Variants in CDHR3 observed in about 807,000 individuals in gnomAD.
CDHR3 encodes cadherin related family member 3.
In CDHR3, 79 loss-of-function variants were observed where a neutral mutation model predicts 86.6. That is an observed-to-expected ratio of 0.91 (90% confidence interval 0.76 to 1.10). The LOEUF is 1.10. Ranked by LOEUF, CDHR3 falls within the 50% of genes least tolerant of loss-of-function variation. CDHR3 has a pLI of 0.00. For missense variants in CDHR3, 1,081 were observed against 1,077.6 expected, an observed-to-expected ratio of 1.00 and a Z score of -0.04; for synonymous variants, 421 against 402.4, an observed-to-expected ratio of 1.05 and a Z score of -0.55.
chr7:106,020,902 G>A (rs1370674624), intron 13 of CDHR3, among the ~76,000 whole-genome samples: 3 of 152,054 alleles, frequency 2.0e-5, no homozygotes, highest in Non-Finnish European at 2.9e-5. Context: ...GACCCCATAC[G>A]TGACTGCCCA....
At chr7:106,018,346 C>T (rs149556490) in intron 12 of CDHR3, among the ~76,000 whole-genome samples, 7 of 152,330 alleles carry the variant, frequency 4.6e-5, no homozygotes, top group African/African-American at 9.6e-5. Flanking sequence ...AAGCGATTCT[C>T]GTGCCTCAGC....
rs544804739 is a variant in CDHR3 at position 106,030,095 on chromosome 7, C to T, written c.2305-697C>T. 7.9e-5 allele frequency among the ~76,000 whole-genome samples: 12 copies of T among 152,246 alleles called. No homozygotes were observed. The South Asian group carries it at 2.1e-3, about 26-fold the overall frequency. Reference sequence around the variant, plus strand: ...AGCTTGCTAAACTCCAAACACAATCCTTGTTACTGTGCTAGTGACCCTGAC... The same window carrying T: ...AGCTTGCTAAACTCCAAACACAATCTTTGTTACTGTGCTAGTGACCCTGAC... On this transcript the variant is annotated intron_variant, in intron 17 of 18. Coordinates refer to ENST00000317716, the MANE Select transcript of CDHR3 (RefSeq NM_152750.5). This position sits in a 1 kb window ranked among gnomAD's most constrained non-coding sequence, Gnocchi z 4.8.
intron 2 of CDHR3, among the ~76,000 whole-genome samples, chr7:105,977,621 C>T (rs1229272717): frequency 6.6e-6 from 1 of 152,222 alleles, no homozygotes; most frequent in East Asian, 1.9e-4. Flanking sequence ...ACCCAACGTC[C>T]TCTACCATCC....
chr7:106,011,761 C>T (rs866753219), intron 8 of CDHR3, among the ~76,000 whole-genome samples: 22 of 152,220 alleles, frequency 1.4e-4, no homozygotes, highest in Admixed American at 9.8e-4. Context: ...GTTCATTGGT[C>T]TTCCTCAGAG....
intron 4 of CDHR3, among the ~76,000 whole-genome samples, chr7:105,988,819 T>C (rs1458268716): frequency 1.3e-5 from 2 of 152,180 alleles, no homozygotes; most frequent in African/African-American, 2.4e-5. Context: ...ACAAAATAAA[T>C]GAAATTAATT....
intron 1 of CDHR3, among the ~76,000 whole-genome samples, chr7:105,965,955 C>G (rs1210497702): frequency 6.6e-6 from 1 of 152,078 alleles, no homozygotes; most frequent in Non-Finnish European, 1.5e-5. Context: ...GATCTTCTTC[C>G]TGCTTGATAT....
intron 7 of CDHR3, among the ~76,000 whole-genome samples, 196 bp from the exon 8 acceptor site, chr7:106,004,302 A>G (rs1333730863): frequency 6.6e-6 from 1 of 152,262 alleles, no homozygotes; most frequent in Admixed American, 6.5e-5. Context: ...GAAAAATCCT[A>G]GAAGGGTCAG....
At chr7:106,022,069 T>G in intron 13 of CDHR3, 129 bp from the exon 14 acceptor site, 1 of 1,137,128 alleles carries the variant, frequency 8.8e-7, no homozygotes, top group South Asian at 1.5e-5. Context: ...CTCTGGTGTA[T>G]CAGAGACACA....
chr7:105,978,164 C>T (rs1829112631), intron 2 of CDHR3, among the ~76,000 whole-genome samples: 1 of 152,178 alleles, frequency 6.6e-6, no homozygotes, highest in Non-Finnish European at 1.5e-5. Flanking sequence ...TCATAGCCCT[C>T]ATGCTGCGCT....
At chr7:105,999,999 G>A (rs898861314) in intron 6 of CDHR3, among the ~76,000 whole-genome samples, 3 of 152,258 alleles carry the variant, frequency 2.0e-5, no homozygotes, top group African/African-American at 7.2e-5. Context: ...TCACAGAAGG[G>A]ACCGAGGGGC....
chr7:105,988,750 C>G (rs996526336), intron 4 of CDHR3, among the ~76,000 whole-genome samples: 1 of 152,232 alleles, frequency 6.6e-6, no homozygotes, highest in East Asian at 1.9e-4. Context: ...ATACTGTGAG[C>G]CAGAAATGAG....
chr7:105,974,803 G>C (rs1026981766), intron 1 of CDHR3, 41 bp from the exon 2 acceptor site: 26 of 1,545,444 alleles, frequency 1.7e-5, no homozygotes, highest in Non-Finnish European at 2.1e-5. Flanking sequence ...CCAGCAAAAG[G>C]CTTTGTGTTC....
intron 4 of CDHR3, among the ~76,000 whole-genome samples, chr7:105,991,517 T>C (rs1032747424): frequency 2.6e-5 from 4 of 152,238 alleles, no homozygotes; most frequent in African/African-American, 9.6e-5. Context: ...TTTTCCTTTC[T>C]TTCCTTTCTG....
At chr7:106,023,757 C>T (rs574242802) in intron 14 of CDHR3, among the ~76,000 whole-genome samples, 165 of 152,334 alleles carry the variant, frequency 1.1e-3, no homozygotes, top group Middle Eastern at 3.4e-3. Context: ...CATATGGCAA[C>T]CCTAGGACTT....
At chr7:106,009,252 A>C (rs1834397315) in intron 8 of CDHR3, among the ~76,000 whole-genome samples, 1 of 152,086 alleles carries the variant, frequency 6.6e-6, no homozygotes, top group Non-Finnish European at 1.5e-5. Context: ...CCAAGATGTG[A>C]GGAAGGGCAA....
chr7:105,965,819 T>C (rs548038115), intron 1 of CDHR3, among the ~76,000 whole-genome samples: 2 of 152,366 alleles, frequency 1.3e-5, no homozygotes, highest in Admixed American at 1.3e-4. Context: ...TTATTGCTCA[T>C]TGTCCCTGTG....
intron 4 of CDHR3, among the ~76,000 whole-genome samples, chr7:105,988,860 A>AAT (rs1585610890): frequency 1.3e-5 from 2 of 152,236 alleles, no homozygotes; most frequent in East Asian, 3.8e-4. Flanking sequence ...GTATACTCAA[A>AAT]ATATTTCAGC....
At chr7:106,004,764 T>A in intron 8 of CDHR3, 77 bp downstream of exon 8, 1 of 1,365,320 alleles carries the variant, frequency 7.3e-7, no homozygotes, top group Non-Finnish European at 1.0e-6. Context: ...TCTGGTATAT[T>A]CTCAGGAGAA....
At chr7:105,980,596 T>G (rs1829519297) in intron 2 of CDHR3, among the ~76,000 whole-genome samples, 1 of 99,186 alleles carries the variant, frequency 1.0e-5, no homozygotes, top group African/African-American at 3.8e-5. Context: ...TTTTTTTTTT[T>G]TTTTTTTTTA....
Sources: allele counts gnomAD v4.1 joint callset (sites outside exome capture counted in the v4.1 genomes callset), GRCh38; gene constraint gnomAD v4.1.1; non-coding constraint Gnocchi (gnomAD v3.1); transcripts MANE v1.5; gene names NCBI Gene and HGNC (gene_info 2026-07-23, HGNC 2026-07-21).